Variants in PDZD2 observed in about 807,000 individuals in gnomAD.
The protein encoded by PDZD2 is PDZ domain containing 2.
Under a neutral mutation model 220.7 loss-of-function variants are expected in PDZD2, and 90 were observed. That is an observed-to-expected ratio of 0.41 (90% confidence interval 0.34 to 0.49). The LOEUF (loss-of-function observed/expected upper bound fraction) is 0.49. Among genes scored for constraint, PDZD2 ranks in the 20% least tolerant of loss-of-function variants. The pLI is 0.28. For synonymous variants in PDZD2, 1,375 were observed against 1,450.5 expected, an observed-to-expected ratio of 0.95 and a Z score of 1.18; for missense variants, 3,174 against 3,608.5, an observed-to-expected ratio of 0.88 and a Z score of 3.08.
intron 1 of PDZD2, among the ~76,000 whole-genome samples, chr5:31,713,304 C>T (rs765119297): frequency 1.7e-4 from 26 of 152,214 alleles, no homozygotes; most frequent in Non-Finnish European, 2.5e-4. Context: ...TCCTTCTCTA[C>T]GCTCTGCTGG....
intron 7 of PDZD2, among the ~76,000 whole-genome samples, chr5:32,045,579 C>T (rs1268145941): frequency 1.3e-5 from 2 of 150,868 alleles, no homozygotes; most frequent in Non-Finnish European, 2.9e-5. Flanking sequence ...TATACCACCA[C>T]GCCCAGCTGT....
intron 1 of PDZD2, among the ~76,000 whole-genome samples, chr5:31,676,559 T>C (rs1328492881): frequency 6.7e-6 from 1 of 149,356 alleles, no homozygotes; most frequent in Non-Finnish European, 1.5e-5. Flanking sequence ...AACAATTTCT[T>C]TGCTTTCTCT....
intron 1 of PDZD2, among the ~76,000 whole-genome samples, chr5:31,693,478 G>A (rs937220390): frequency 1.3e-5 from 2 of 152,074 alleles, no homozygotes; most frequent in Non-Finnish European, 2.9e-5. Flanking sequence ...CTGACCTCGT[G>A]ATCTGCCCAC....
Position 32,098,474 on chromosome 5 carries a change from T to C in PDZD2, c.8058T>C (p.Asn2686=). ...GASLAGLAHG[N]VLKVLHQAQL... is the part of the protein sequence containing the mutation. The stretch of plus-strand genomic sequence containing the variant: ...CACTGGCTGGCTTAGCCCACGGGAA[T>C]GTCCTGAAGGTTCTGCACCAGGCAC... Residue 2686 remains asparagine, a synonymous_variant, in exon 23 of 25, where the codon AAT becomes AAC. Coordinates refer to ENST00000438447, the MANE Select transcript of PDZD2 (RefSeq NM_178140.4). This position sits in a 1 kb window ranked among gnomAD's most constrained non-coding sequence, Gnocchi z 4.1. The C allele has an allele frequency of 6.2e-7, 1 of 1,614,164 alleles. No individual in the cohort carries two copies.
chr5:31,983,566 G>A lies in PDZD2; in HGVS notation c.888G>A (p.Lys296=). Residue 296 remains lysine, a synonymous_variant, in exon 3 of 25, where the codon AAG becomes AAA. Coordinates refer to ENST00000438447, the MANE Select transcript of PDZD2 (RefSeq NM_178140.4). ...GAGGGACAGAGCATAGAATTCCAAAGACAGATGCTCCTCTGACCACAAGCA... is the reference window on the plus strand; with the variant it reads ...GAGGGACAGAGCATAGAATTCCAAAAACAGATGCTCCTCTGACCACAAGCA... The part of the protein sequence containing the change: ...VDRGTEHRIP[K]TDAPLTTSND... 2 of 1,614,204 alleles carry A rather than the reference G, an allele frequency of 1.2e-6. No homozygotes were observed. The highest frequency in any genetic ancestry group is 8.5e-7 in the Non-Finnish European group (1 of 1,180,020).
intron 2 of PDZD2, among the ~76,000 whole-genome samples, chr5:31,944,218 T>C (rs1172599540): frequency 6.6e-6 from 1 of 152,186 alleles, no homozygotes; most frequent in Non-Finnish European, 1.5e-5. Flanking sequence ...CCAGAGAGTC[T>C]ATGGCACAAA....
At chr5:31,973,121 CT>C (rs1749452110) in intron 2 of PDZD2, among the ~76,000 whole-genome samples, 1 of 152,170 alleles carries the variant, frequency 6.6e-6, no homozygotes, top group Non-Finnish European at 1.5e-5. Flanking sequence ...CTGTAAAACG[CT>C]TTTATTGATT....
At chr5:31,682,095 G>A (rs1222808930) in intron 1 of PDZD2, among the ~76,000 whole-genome samples, 2 of 152,146 alleles carry the variant, frequency 1.3e-5, no homozygotes, top group African/African-American at 2.4e-5. Flanking sequence ...CCCAAGTGGC[G>A]AGTTTAAAGG....
In PDZD2 at chr5:32,088,986, T is replaced by C; in HGVS notation, c.5538T>C (p.Thr1846=). ...MVSSSQKKGV[T]VPHSPPQPKT... is the part of the protein sequence containing the mutation. ...GTTCAAGCCAAAAAAAGGGCGTTAC[T>C]GTGCCTCATAGCCCTCCTCAGCCGA... Residue 1846 remains threonine (T), a synonymous_variant, in exon 20 of 25, where the codon ACT becomes ACC. Coordinates refer to ENST00000438447, the MANE Select transcript of PDZD2 (RefSeq NM_178140.4). This position sits in a 1 kb window ranked among gnomAD's most constrained non-coding sequence, Gnocchi z 4.6. The C allele has an allele frequency of 6.2e-7, 1 of 1,614,054 alleles. No individual in the cohort carries two copies. The highest frequency in any genetic ancestry group is 1.3e-5 in the African/African-American group (1 of 75,034).
rs549274030 is a variant in PDZD2, at chr5:31,677,726, CAGG to C, written c.-361+38291_-361+38293del. ...CACATGCAACAATGTGGATGAATCT[CAGG>C]ATCATTATGCTGAGTGAAAGAAGCA... On this transcript the variant is annotated intron_variant, in intron 1 of 24. Coordinates refer to ENST00000438447, the MANE Select transcript of PDZD2 (RefSeq NM_178140.4). Among the ~76,000 whole-genome samples, 560 of 152,128 alleles carry C rather than the reference CAGG, an allele frequency of 3.7e-3. 4 individuals are homozygous for C. Among genetic ancestry groups the C allele is most frequent in the Middle Eastern group, 0.014 (4 of 292 alleles).
chr5:31,656,605 TC>T (rs1267000284), intron 1 of PDZD2, among the ~76,000 whole-genome samples: 5 of 152,200 alleles, frequency 3.3e-5, no homozygotes, highest in African/African-American at 1.2e-4. Flanking sequence ...CTTGGCATCG[TC>T]CCCTCTGGTT....
At chr5:31,723,674 A>G (rs1203351192) in intron 1 of PDZD2, among the ~76,000 whole-genome samples, 2 of 152,014 alleles carry the variant, frequency 1.3e-5, no homozygotes, top group African/African-American at 4.8e-5. Flanking sequence ...CTGGAGTGCA[A>G]TGGCGCGATC....
intron 1 of PDZD2, among the ~76,000 whole-genome samples, chr5:31,736,666 C>A (rs1467044905): frequency 6.6e-6 from 1 of 152,168 alleles, no homozygotes; most frequent in East Asian, 1.9e-4. Context: ...TAAGGTTAGA[C>A]CTCAGATCTA....
chr5:31,743,625 C>T (rs1250955157), intron 1 of PDZD2, among the ~76,000 whole-genome samples: 5 of 152,052 alleles, frequency 3.3e-5, no homozygotes, highest in Admixed American at 1.3e-4. Context: ...GGGAATGGCT[C>T]TTTTGAAGGC....
rs1752051710 is a variant in PDZD2, at chr5:32,000,873, C to T, written c.1254+602C>T. On this transcript the variant is annotated intron_variant, in intron 5 of 24. Transcript: ENST00000438447. The surrounding 1 kb of genome is among the most constrained non-coding windows in gnomAD (Gnocchi z 4.5). ...CCCCAGCCCCTGGGCTGTGGATGGGCACTGGTCCATGGCCTGTTAGGAGCT... is the reference window on the plus strand; with the variant it reads ...CCCCAGCCCCTGGGCTGTGGATGGGTACTGGTCCATGGCCTGTTAGGAGCT... Among the ~76,000 whole-genome samples, 1 of 152,150 alleles carries T rather than the reference C, an allele frequency of 6.6e-6. No homozygotes were observed. The highest frequency in any genetic ancestry group is 1.5e-5 in the Non-Finnish European group (1 of 68,022).
intron 1 of PDZD2, among the ~76,000 whole-genome samples, chr5:31,792,654 G>A (rs1753792368): frequency 6.6e-6 from 1 of 152,008 alleles, no homozygotes; most frequent in Admixed American, 6.6e-5. Flanking sequence ...CTGACCTCAG[G>A]TGATCCGCCC....
At chr5:31,963,833 C>T (rs949332630) in intron 2 of PDZD2, among the ~76,000 whole-genome samples, 4 of 152,102 alleles carry the variant, frequency 2.6e-5, no homozygotes, top group Non-Finnish European at 5.9e-5. Flanking sequence ...AGGGTCTATA[C>T]TAGCTCAATC....
Position 31,669,412 on chromosome 5 carries a change from A to T in PDZD2, c.-361+29975A>T, listed in dbSNP as rs1412389550. On this transcript the variant is annotated intron_variant, in intron 1 of 24. Coordinates refer to ENST00000438447, the MANE Select transcript of PDZD2 (RefSeq NM_178140.4). ...GTGAGACCCTGTCTCAAAAAAAAAA[A>T]AAAAAAAAAAATAAGATCTATCCAG... 4.6e-5 allele frequency among the ~76,000 whole-genome samples: 7 copies of T among 151,586 alleles called. No homozygotes were observed. In the South Asian group the frequency reaches 1.0e-3, roughly 23 times the overall value.
chr5:31,889,274 C>T (rs184618463), intron 2 of PDZD2, among the ~76,000 whole-genome samples: 1 of 152,274 alleles, frequency 6.6e-6, no homozygotes. Context: ...GTGCGAGAGC[C>T]AATAAATCCC....
Sources: allele counts gnomAD v4.1 joint callset (sites outside exome capture counted in the v4.1 genomes callset), GRCh38; gene constraint gnomAD v4.1.1; non-coding constraint Gnocchi (gnomAD v3.1); transcripts MANE v1.5; gene names NCBI Gene and HGNC (gene_info 2026-07-23, HGNC 2026-07-21).